MON2: variants seen among roughly 807,000 people sequenced by gnomAD.
MON2 encodes protein MON2 homolog.
In MON2, 84 loss-of-function variants were observed where a neutral mutation model predicts 208.6. The ratio of observed to expected loss-of-function variants is 0.40; its 90% CI spans 0.34 to 0.48. The LOEUF is 0.48. MON2 is among the 20% of genes least tolerant of loss of function. The pLI is 0.59. For synonymous variants in MON2, 660 were observed against 694.0 expected, an observed-to-expected ratio of 0.95 and a Z score of 0.77; for missense variants, 1,611 against 2,015.4, an observed-to-expected ratio of 0.80 and a Z score of 3.84.
At chr12:62,470,717 T>G (rs1209037064) in intron 1 of MON2, 1 of 1,173,640 alleles carries the variant, frequency 8.5e-7, no homozygotes, top group African/African-American at 1.6e-5. Context: ...ATGAGGGGTA[T>G]CTAACTGAGC....
intron 7 of MON2, among the ~76,000 whole-genome samples, chr12:62,503,390 A>G (rs1015845520): frequency 5.3e-5 from 8 of 152,164 alleles, no homozygotes; most frequent in African/African-American, 1.9e-4. Context: ...TACCACTTCT[A>G]CAATTATTCT....
At chr12:62,588,407 T>C (rs574483019) in intron 34 of MON2, among the ~76,000 whole-genome samples, 1 of 152,176 alleles carries the variant, frequency 6.6e-6, no homozygotes, top group African/African-American at 2.4e-5. Flanking sequence ...TGAAGTCAGG[T>C]TATTGCAAGA....
intron 30 of MON2, 23 bp from the exon 31 acceptor site, chr12:62,578,422 A>C: frequency 7.7e-7 from 1 of 1,306,810 alleles, no homozygotes; most frequent in East Asian, 2.4e-5. Flanking sequence ...TATCTTTAAA[A>C]ATCAAGTGTT....
At chr12:62,496,129 A>G (rs1271680879) in intron 4 of MON2, among the ~76,000 whole-genome samples, 1 of 152,106 alleles carries the variant, frequency 6.6e-6, no homozygotes, top group Non-Finnish European at 1.5e-5. Context: ...ATATCAAGTG[A>G]TGTTCTTAGA....
intron 25 of MON2, among the ~76,000 whole-genome samples, chr12:62,557,945 TATATA>T (rs2074042503): frequency 1.4e-4 from 6 of 41,398 alleles, no homozygotes; most frequent in African/African-American, 3.8e-4. Context: ...TATATATATA[TATATA>T]TATATATATA....
chr12:62,479,712 G>T (rs1459468699), intron 1 of MON2, among the ~76,000 whole-genome samples: 3 of 152,088 alleles, frequency 2.0e-5, no homozygotes, highest in Non-Finnish European at 2.9e-5. Flanking sequence ...CTCAGCAGTA[G>T]ATAAGATTAC....
chr12:62,567,179 G>A (rs1462284941), intron 29 of MON2, among the ~76,000 whole-genome samples: 1 of 152,158 alleles, frequency 6.6e-6, no homozygotes, highest in Non-Finnish European at 1.5e-5. Flanking sequence ...CTAGCATGTG[G>A]ATGTACCTTA....
chr12:62,483,092 A>G lies in MON2; in HGVS notation c.112-1078A>G, dbSNP rs557653196. On this transcript the variant is annotated intron_variant, in intron 1 of 34. Transcript: ENST00000393630. Reference sequence around the variant, plus strand: ...GACATTTAATTTTAATAATAATTTAACGTAATAATTTGAAATATTATTTCA... The same window carrying G: ...GACATTTAATTTTAATAATAATTTAGCGTAATAATTTGAAATATTATTTCA... 3.9e-5 allele frequency: 6 copies of G among 152,304 alleles called. No individual in the cohort carries two copies. In the South Asian group the frequency reaches 1.2e-3, roughly 32 times the overall value. The allele number at this position is 152,304 out of a possible 1,614,324, so 9.4% of individuals were successfully genotyped here.
Position 62,524,561 on chromosome 12 carries a change from A to T in MON2, c.1031A>T (p.Asp344Val), listed in dbSNP as rs1565645476. 1.2e-6 allele frequency: 2 copies of T among 1,613,238 alleles called. No individual in the cohort carries two copies. Among genetic ancestry groups the T allele is most frequent in the Non-Finnish European group, 1.7e-6 (2 of 1,179,402 alleles). Residue 344 changes from aspartate (D) to valine (V), a missense_variant, in exon 9 of 35, where the codon GAT (aspartate) becomes GTT (valine). By Grantham distance (152) the Asp-to-Val change is radical. Transcript: ENST00000393630. ...IFLSLLVKFL[D>V]ADKPQWLRAV... Reference sequence around the variant, plus strand: ...CTGTCACTTCTGGTGAAATTTCTGGATGCAGATAAACCACAGTGGCTACGA... The same window carrying T: ...CTGTCACTTCTGGTGAAATTTCTGGTTGCAGATAAACCACAGTGGCTACGA...
intron 11 of MON2, among the ~76,000 whole-genome samples, chr12:62,528,010 C>T (rs2072425632): frequency 6.6e-6 from 1 of 152,078 alleles, no homozygotes; most frequent in African/African-American, 2.4e-5. Flanking sequence ...CACTTGATTT[C>T]ACTTGATCTT....
chr12:62,515,284 A>T (rs770595999), intron 8 of MON2, among the ~76,000 whole-genome samples: 1 of 152,192 alleles, frequency 6.6e-6, no homozygotes, highest in Non-Finnish European at 1.5e-5. Context: ...GTGTATACAT[A>T]TGTTGGAATA....
chr12:62,560,746 A>G lies in MON2; in HGVS notation c.3665A>G (p.Tyr1222Cys), dbSNP rs2074168994. The G allele has an allele frequency of 6.2e-7, 1 of 1,614,032 alleles. No homozygotes were observed. The highest frequency in any genetic ancestry group is 1.3e-5 in the African/African-American group (1 of 74,934). The change falls in exon 26 of 35, where the codon TAT becomes TGT. Residue 1222 changes from tyrosine to cysteine, a missense_variant. Physicochemically the swap from Tyr to Cys is radical, Grantham distance 194 (BLOSUM62 -2). Transcript: ENST00000393630. ...TCCATTGGAGAAAAACTAGGAAGAT[A>G]TAGTAGCTCTGAGCCACCCATTGTT... ...TDSIGEKLGRYSSSEPPIVTD... is the reference protein window; with the variant it reads ...TDSIGEKLGRCSSSEPPIVTD...
intron 1 of MON2, chr12:62,482,758 G>C (rs1258438333): frequency 6.6e-6 from 1 of 152,230 alleles, no homozygotes; most frequent in Non-Finnish European, 1.5e-5. Flanking sequence ...GAAGCCAGGT[G>C]CAGTGGCTCA....
intron 4 of MON2, among the ~76,000 whole-genome samples, chr12:62,498,027 A>G (rs931142126): frequency 6.6e-6 from 1 of 151,246 alleles, no homozygotes; most frequent in African/African-American, 2.4e-5. Context: ...AGTGACTTAT[A>G]TATATGAATG....
At position 62,571,589 on chromosome 12, in the gene MON2, T is replaced by C; in HGVS notation, c.4514+7T>C. On this transcript the variant is annotated splice_region_variant and intron_variant, in intron 30 of 34. Coordinates refer to ENST00000393630, the MANE Select transcript of MON2 (RefSeq NM_015026.3). The stretch of plus-strand genomic sequence containing the variant: ...ATTTTCTCTTTACTAAAAGGTCAGC[T>C]CATTCATTTTTAAAATTAAGACAAG... 6.3e-7 allele frequency: 1 copy of C among 1,591,464 alleles called. No homozygotes were observed. Among genetic ancestry groups the C allele is most frequent in the Non-Finnish European group, 8.6e-7 (1 of 1,169,194 alleles).
intron 34 of MON2, chr12:62,588,945 A>G (rs1359282558): frequency 1.5e-6 from 2 of 1,355,360 alleles, no homozygotes; most frequent in East Asian, 5.2e-5. Flanking sequence ...CATTGAATGC[A>G]AAGCTTTTTT....
At chr12:62,480,093 G>A (rs10877859) in intron 1 of MON2, among the ~76,000 whole-genome samples, 17,390 of 152,194 alleles carry the variant, frequency 0.11, 1,269 homozygotes, top group Middle Eastern at 0.25. Flanking sequence ...ATGAGAATAA[G>A]ATGATACAAT....
rs1224438947 is a variant in MON2, at chr12:62,553,111, T to A, written c.3147T>A (p.Phe1049Leu). 6.2e-7 allele frequency: 1 copy of A among 1,614,090 alleles called. No homozygotes were observed. Among genetic ancestry groups the A allele is most frequent in the East Asian group, 2.2e-5 (1 of 44,896 alleles). Reference sequence around the variant, plus strand: ...GGAAGAGTGCAGGGCAAACTCTGTTTTCTACAATTGGTGCGCATGGAACTT... The same window carrying A: ...GGAAGAGTGCAGGGCAAACTCTGTTATCTACAATTGGTGCGCATGGAACTT... ...AVRKSAGQTL[F>L]STIGAHGTLL... Residue 1049 changes from phenylalanine (F) to leucine (L), a missense_variant, in exon 24 of 35, where the codon TTT becomes TTA. By Grantham distance (22) the Phe-to-Leu change is conservative. Transcript: ENST00000393630.
chr12:62,485,518 T>C (rs2069719451), intron 2 of MON2, among the ~76,000 whole-genome samples: 1 of 152,230 alleles, frequency 6.6e-6, no homozygotes. Context: ...ATTACATCTG[T>C]TTCCCACAGC....
Sources: gnomAD v4.1 joint callset for allele counts (sites outside exome capture counted in the v4.1 genomes callset) on GRCh38, gnomAD v4.1.1 for gene constraint, MANE v1.5 for transcripts, NCBI Gene and HGNC (gene_info 2026-07-23, HGNC 2026-07-21) for gene names.